Variants in VAV2 observed in about 807,000 individuals in gnomAD.
VAV2 encodes vav guanine nucleotide exchange factor 2.
Under a neutral mutation model 132.5 loss-of-function variants are expected in VAV2, and 67 were observed. The ratio of observed to expected loss-of-function variants is 0.51; its 90% CI spans 0.42 to 0.62. The LOEUF (loss-of-function observed/expected upper bound fraction) is 0.62. VAV2 is among the 20% of genes least tolerant of loss of function. The pLI is 0.00. For synonymous variants in VAV2, 492 were observed against 443.5 expected, an observed-to-expected ratio of 1.11 and a Z score of -1.37; for missense variants, 938 against 1,153.6, an observed-to-expected ratio of 0.81 and a Z score of 2.71.
At chr9:133,975,536 A>G (rs901366638) in intron 1 of VAV2, among the ~76,000 whole-genome samples, 3 of 152,252 alleles carry the variant, frequency 2.0e-5, no homozygotes, top group Admixed American at 6.5e-5. Context: ...CAGCAGCAAC[A>G]GCCCCAGTTT....
At position 133,802,934 on chromosome 9, in the gene VAV2, C is replaced by T. The variant is rs751285113; in HGVS notation, c.836+3147G>A. On this transcript the variant is annotated intron_variant, in intron 9 of 29. Coordinates refer to ENST00000371850, the MANE Select transcript of VAV2 (RefSeq NM_001134398.2). The surrounding 1 kb of genome is among the most constrained non-coding windows in gnomAD (Gnocchi z 5.8). ...TCTGGGAAATGGGGGTTAGACAGAG[C>T]GGGAGCTGAGGCTTCTTGACTTCAG... is the stretch of plus-strand genomic sequence containing the variant. 1.3e-5 allele frequency among the ~76,000 whole-genome samples: 2 copies of T among 152,186 alleles called. No homozygotes were observed. The highest frequency in any genetic ancestry group is 2.9e-5 in the Non-Finnish European group (2 of 68,030).
rs1357577520 is a variant in VAV2, at chr9:133,883,828, C to T, written c.322-22396G>A. 6.6e-6 allele frequency among the ~76,000 whole-genome samples: 1 copy of T among 152,160 alleles called. No homozygotes were observed. The highest frequency in any genetic ancestry group is 2.4e-5 in the African/African-American group (1 of 41,432). ...ACACTTGAGGTCCACAGGTGACTAG[C>T]AACTTTGCTTAAATTGATTCTAGTA... is the stretch of plus-strand genomic sequence containing the variant. On this transcript the variant is annotated intron_variant, in intron 2 of 29. Coordinates refer to ENST00000371850, the MANE Select transcript of VAV2 (RefSeq NM_001134398.2). This position sits in a 1 kb window ranked among gnomAD's most constrained non-coding sequence, Gnocchi z 4.2.
At chr9:133,771,209 G>A (rs997839333) in intron 26 of VAV2, among the ~76,000 whole-genome samples, 2 of 152,000 alleles carry the variant, frequency 1.3e-5, no homozygotes, top group African/African-American at 2.4e-5. Context: ...GACTACAGGC[G>A]TGTGCCACCA....
In VAV2 at chr9:133,840,761, G is replaced by T. The variant is rs1836688492; in HGVS notation, c.381-6421C>A. On this transcript the variant is annotated intron_variant, in intron 3 of 29. Transcript: ENST00000371850. This position sits in a 1 kb window ranked among gnomAD's most constrained non-coding sequence, Gnocchi z 4.5. ...AGGAACAGCTTGAATCTCGCTTTGG[G>T]ATAATAAATCAGGCTCCTATCCTTG... Among the ~76,000 whole-genome samples, 1 of 152,208 alleles carries T rather than the reference G, an allele frequency of 6.6e-6. No homozygotes were observed. The highest frequency in any genetic ancestry group is 1.5e-5 in the Non-Finnish European group (1 of 68,038).
intron 1 of VAV2, among the ~76,000 whole-genome samples, chr9:133,985,269 TG>T (rs1842823251): frequency 2.0e-5 from 3 of 147,246 alleles, no homozygotes; most frequent in South Asian, 2.2e-4. Flanking sequence ...TGTGTGTGTG[TG>T]TGTGTTTTGT....
chr9:133,930,599 C>A (rs1361967229), intron 2 of VAV2, among the ~76,000 whole-genome samples: 1 of 152,272 alleles, frequency 6.6e-6, no homozygotes, highest in East Asian at 1.9e-4. Context: ...AACGGGGCCC[C>A]TGTCATCAGC....
rs564962451 is a variant in VAV2, at chr9:133,816,246, T to A, written c.450-4030A>T. ...CTGGATACTAGTCAGATATGTTTTG[T>A]GATTCTTCCCCCAGTCTCTAGCTTG... On this transcript the variant is annotated intron_variant, in intron 4 of 29. Coordinates refer to ENST00000371850, the MANE Select transcript of VAV2 (RefSeq NM_001134398.2). 3.9e-5 allele frequency among the ~76,000 whole-genome samples: 6 copies of A among 152,372 alleles called. No individual in the cohort carries two copies. The South Asian group carries it at 1.2e-3, about 32-fold the overall frequency.
At chr9:133,861,324 C>T (rs1482436533) in intron 3 of VAV2, 50 bp downstream of exon 3, 12 of 1,570,244 alleles carry the variant, frequency 7.6e-6, no homozygotes, top group South Asian at 2.4e-5. Flanking sequence ...ACGCTGGTGT[C>T]GATGGAGATG....
Position 133,768,427 on chromosome 9 carries a change from G to T in VAV2, c.2589+15C>A. 1 of 1,610,972 alleles carries T rather than the reference G, an allele frequency of 6.2e-7. No individual in the cohort carries two copies. The highest frequency in any genetic ancestry group is 8.5e-7 in the Non-Finnish European group (1 of 1,179,534). ...AGCGAGGCCAGCCCCACACCCTCAG[G>T]GTGGGGCCACTCACCCGTCCGTTGG... On this transcript the variant is annotated intron_variant, in intron 29 of 29. Transcript: ENST00000371850. The surrounding 1 kb of genome is among the most constrained non-coding windows in gnomAD (Gnocchi z 5.3).
In VAV2 at chr9:133,793,136, G is replaced by A. The variant is rs192359604; in HGVS notation, c.1102-1267C>T. On this transcript the variant is annotated intron_variant, in intron 12 of 29. Coordinates refer to ENST00000371850, the MANE Select transcript of VAV2 (RefSeq NM_001134398.2). Reference sequence around the variant, plus strand: ...CGGGTCTGGCCACCCCCACTCCGGCGCCTGCCTGCCGTGCTGCAATCCTCG... The same window carrying A: ...CGGGTCTGGCCACCCCCACTCCGGCACCTGCCTGCCGTGCTGCAATCCTCG... Among the ~76,000 whole-genome samples, 120 of 152,158 alleles carry A rather than the reference G, an allele frequency of 7.9e-4. 2 individuals are homozygous for A. The highest frequency in any genetic ancestry group is 6.8e-3 in the Middle Eastern group (2 of 294).
intron 5 of VAV2, among the ~76,000 whole-genome samples, chr9:133,810,844 T>A (rs554503213): frequency 6.6e-6 from 1 of 152,218 alleles, no homozygotes; most frequent in South Asian, 2.1e-4. Context: ...AGGGCCAGGA[T>A]CCCCCACACA....
chr9:133,916,964 C>T (rs1840113553), intron 2 of VAV2, among the ~76,000 whole-genome samples: 2 of 152,170 alleles, frequency 1.3e-5, no homozygotes, highest in Admixed American at 1.3e-4. Flanking sequence ...GAGACACATA[C>T]AAAGAAACCC....
In VAV2 at chr9:133,789,347, GGAA is replaced by G. The variant is rs55949228; in HGVS notation, c.1189-7_1189-5del. On this transcript the variant is annotated splice_polypyrimidine_tract_variant and splice_region_variant and intron_variant, in intron 13 of 29. Coordinates refer to ENST00000371850, the MANE Select transcript of VAV2 (RefSeq NM_001134398.2). Reference sequence around the variant, plus strand: ...CAAATTCCTCCAGTTTCACTTGCTGGGAAGAAGGAGAGGGGCCGTCAGCCGGGG... The same window carrying G: ...CAAATTCCTCCAGTTTCACTTGCTGGGAAGGAGAGGGGCCGTCAGCCGGGG... The G allele has an allele frequency of 0.026, 41,670 of 1,613,916 alleles. 1,094 individuals are homozygous for G. The highest frequency in any genetic ancestry group is 0.13 in the African/African-American group (9,565 of 74,994).
intron 3 of VAV2, among the ~76,000 whole-genome samples, chr9:133,858,598 G>T (rs1436622355): frequency 6.6e-6 from 1 of 152,306 alleles, no homozygotes; most frequent in African/African-American, 2.4e-5. Context: ...CACACACCCT[G>T]CTACTGTCAC....
intron 3 of VAV2, among the ~76,000 whole-genome samples, chr9:133,855,601 G>A (rs554878743): frequency 1.3e-5 from 2 of 152,322 alleles, no homozygotes; most frequent in Admixed American, 1.3e-4. Flanking sequence ...CTTAGGTCTC[G>A]TTGCCCAGTG....
At chr9:133,835,012 T>C (rs1836411477) in intron 3 of VAV2, among the ~76,000 whole-genome samples, 1 of 152,164 alleles carries the variant, frequency 6.6e-6, no homozygotes, top group Non-Finnish European at 1.5e-5. Flanking sequence ...GCCCTCCAGA[T>C]GCCCCAACCC....
Position 133,940,217 on chromosome 9 carries a change from G to C in VAV2, c.205-998C>G, listed in dbSNP as rs1301727190. On this transcript the variant is annotated intron_variant, in intron 1 of 29. Coordinates refer to ENST00000371850, the MANE Select transcript of VAV2 (RefSeq NM_001134398.2). ...AATCATGTGCCCTGATGACCAGAGT[G>C]GGCACTGGGGTGTGGGAGCCATCAG... Among the ~76,000 whole-genome samples the C allele has an allele frequency of 2.0e-5, 3 of 152,156 alleles. No homozygotes were observed. In the East Asian group the frequency reaches 5.8e-4, roughly 29 times the overall value.
At chr9:133,766,759 A>AATATATAT (rs373267933) in intron 29 of VAV2, among the ~76,000 whole-genome samples, 12,774 of 111,424 alleles carry the variant, frequency 0.11, 852 homozygotes, top group African/African-American at 0.16. Context: ...AGTATAAATA[A>AATATATAT]ATATATATAT....
intron 2 of VAV2, among the ~76,000 whole-genome samples, chr9:133,889,208 G>C (rs1438139041): frequency 6.7e-6 from 1 of 149,708 alleles, no homozygotes; most frequent in Non-Finnish European, 1.5e-5. Flanking sequence ...CTGACCCCCA[G>C]GTCTTGGCCT....
Sources: gnomAD v4.1 joint callset for allele counts (sites outside exome capture counted in the v4.1 genomes callset) on GRCh38, gnomAD v4.1.1 for gene constraint, Gnocchi (gnomAD v3.1) non-coding constraint, MANE v1.5 for transcripts, NCBI Gene and HGNC (gene_info 2026-07-23, HGNC 2026-07-21) for gene names.